TTC7A: variants seen among roughly 807,000 people sequenced by gnomAD.
The protein encoded by TTC7A is tetratricopeptide repeat protein 7A.
A neutral mutation model predicts 103.7 loss-of-function variants in TTC7A; 110 were observed. The observed-to-expected ratio is 1.06, with a 90% CI of 0.91 to 1.24. The LOEUF (loss-of-function observed/expected upper bound fraction) is 1.24, where lower values mean the gene tolerates loss of function less well. Among genes scored for constraint, TTC7A ranks in the 50% most tolerant of loss-of-function variants. TTC7A has a pLI of 0.00. For synonymous variants in TTC7A, 521 were observed against 467.9 expected (o/e 1.11, Z -1.47); for missense variants, 1,340 against 1,116.3 (o/e 1.20, Z -2.86).
intron 2 of TTC7A, among the ~76,000 whole-genome samples, chr2:46,927,655 C>T (rs116316838): frequency 2.0e-3 from 306 of 150,926 alleles, no homozygotes; most frequent in African/African-American, 6.6e-3. Context: ...CTACCGCGCC[C>T]GGCAAAAAAA....
chr2:47,073,319 C>T (rs983762702), intron 19 of TTC7A, among the ~76,000 whole-genome samples: 14 of 152,134 alleles, frequency 9.2e-5, no homozygotes, highest in African/African-American at 1.7e-4. Flanking sequence ...TCAACCTCAC[C>T]GCGCTCTCGA....
rs747986837 is a variant in TTC7A at position 47,051,718 on chromosome 2, G to C, written c.2018-28G>C. 6.9e-6 allele frequency: 11 copies of C among 1,598,262 alleles called. No individual in the cohort carries two copies. The African/African-American group carries it at 1.3e-4, about 19-fold the overall frequency. On this transcript the variant is annotated intron_variant, in intron 17 of 19. Coordinates refer to ENST00000319190, the MANE Select transcript of TTC7A (RefSeq NM_020458.4). ...TGCAACGTGTGGACCTCTGACCACT[G>C]CTCGGCTCGTGCCCTCTTGCTCTGC...
intron 2 of TTC7A, among the ~76,000 whole-genome samples, chr2:46,932,394 G>A (rs1436905834): frequency 2.0e-5 from 3 of 151,976 alleles, no homozygotes; most frequent in Admixed American, 6.6e-5. Context: ...TATGATCCTC[G>A]CACCTTGGCC....
intron 3 of TTC7A, 190 bp from the exon 4 acceptor site, chr2:46,974,783 C>T (rs116661870): frequency 0.025 from 17,989 of 726,414 alleles, 293 homozygotes; most frequent in Non-Finnish European, 0.031. Context: ...GCTGTCCCAT[C>T]GCTTACTCCC....
At chr2:47,039,869 G>A (rs74590923) in intron 15 of TTC7A, among the ~76,000 whole-genome samples, 1,599 of 152,290 alleles carry the variant, frequency 0.01, 13 homozygotes, top group Middle Eastern at 0.017. Context: ...TTCTAACGGG[G>A]AACAGAGACA....
chr2:47,009,756 A>G (rs770689126), intron 10 of TTC7A, among the ~76,000 whole-genome samples: 37 of 152,088 alleles, frequency 2.4e-4, no homozygotes, highest in Non-Finnish European at 2.5e-4. Context: ...GGCCCAGTAC[A>G]TGGGAATTGT....
rs1679511438 is a variant in TTC7A, at chr2:47,023,420, CCAAG to C, written c.1528_1531del (p.Gln510MetfsTer49). The C allele has an allele frequency of 1.2e-6, 2 of 1,613,914 alleles. No homozygotes were observed. Among genetic ancestry groups the C allele is most frequent in the Non-Finnish European group, 1.7e-6 (2 of 1,180,004 alleles). On this transcript the variant is annotated frameshift_variant, in exon 13 of 20. Transcript: ENST00000319190. LOFTEE classifies it high-confidence loss of function. ...CTGTCCCCTGCAGCCACCCTGAAGT[CCAAG>C]CAAGATGAATTGCACCGGAAGGCAC... is the stretch of plus-strand genomic sequence containing the variant.
At chr2:47,030,350 C>T (rs1680399769) in intron 15 of TTC7A, among the ~76,000 whole-genome samples, 1 of 151,930 alleles carries the variant, frequency 6.6e-6, no homozygotes, top group East Asian at 1.9e-4. Flanking sequence ...GTTCCCATCA[C>T]TGGGCTTTCA....
intron 14 of TTC7A, among the ~76,000 whole-genome samples, chr2:47,026,786 T>C (rs565553662): frequency 1.1e-4 from 16 of 152,338 alleles, no homozygotes; most frequent in Non-Finnish European, 2.1e-4. Context: ...TCATGGACAC[T>C]GAAATAGGTT....
At chr2:46,939,990 G>A (rs1056142889), upstream of TTC7A, among the ~76,000 whole-genome samples, 1 of 152,136 alleles carries the variant, frequency 6.6e-6, no homozygotes, top group East Asian at 1.9e-4. Context: ...AGGAAATCCT[G>A]CCCACCAAAC....
intron 2 of TTC7A, among the ~76,000 whole-genome samples, chr2:46,930,607 C>T (rs1328921478): frequency 6.6e-6 from 1 of 151,162 alleles, no homozygotes; most frequent in Non-Finnish European, 1.5e-5. Context: ...TCAAGCGATT[C>T]TCCTGCCTCA....
chr2:46,945,675 G>A (rs1670873577), intron 1 of TTC7A, among the ~76,000 whole-genome samples: 1 of 152,200 alleles, frequency 6.6e-6, no homozygotes, highest in African/African-American at 2.4e-5. Flanking sequence ...ATAGGTGTGA[G>A]CCACCGTGCC....
intron 11 of TTC7A, among the ~76,000 whole-genome samples, chr2:47,020,580 A>T (rs10179011): frequency 6.6e-6 from 1 of 152,194 alleles, no homozygotes; most frequent in African/African-American, 2.4e-5. Context: ...GCTCGCCCAC[A>T]AGGTGGCTGT....
chr2:46,974,787 T>C (rs940765636), intron 3 of TTC7A, 186 bp from the exon 4 acceptor site: 2 of 757,094 alleles, frequency 2.6e-6, no homozygotes, highest in Non-Finnish European at 4.3e-6. Context: ...TCCCATCGCT[T>C]ACTCCCAGCC....
chr2:47,011,394 C>T lies in TTC7A; in HGVS notation c.1351C>T (p.Pro451Ser), dbSNP rs751361481. 4 of 1,611,172 alleles carry T rather than the reference C, an allele frequency of 2.5e-6. No individual in the cohort carries two copies. The highest frequency in any genetic ancestry group is 2.2e-5 in the South Asian group (2 of 91,024). The change falls in exon 11 of 20, where the codon CCC (proline) becomes TCC (serine). Residue 451 changes from proline to serine, a missense_variant. Pro to Ser is a moderately conservative substitution (Grantham distance 74). Transcript: ENST00000319190. The stretch of plus-strand genomic sequence containing the variant: ...GTTGCGGCCCTCGGACCCCACCGTG[C>T]CCCTGATGGCCGCGAAGGTCTGCAT... ...VKLRPSDPTV[P>S]LMAAKVCIGS...
At chr2:46,945,360 C>A (rs1442626543) in intron 1 of TTC7A, among the ~76,000 whole-genome samples, 1 of 152,136 alleles carries the variant, frequency 6.6e-6, no homozygotes, top group African/African-American at 2.4e-5. Flanking sequence ...TCAAGCGATT[C>A]TTCTGCCTCA....
At chr2:46,922,236 G>A (rs1328204385) in intron 2 of TTC7A, among the ~76,000 whole-genome samples, 1 of 152,124 alleles carries the variant, frequency 6.6e-6, no homozygotes, top group Non-Finnish European at 1.5e-5. Flanking sequence ...TGTTGCATTA[G>A]GCCTATACCA....
chr2:46,997,240 A>G lies in TTC7A; in HGVS notation c.1065+2041A>G, dbSNP rs150505747. ...GTGATCCACCTGCCTCAGCCTCCCA[A>G]AGTGCTGGGATTACAGGCATGAGCC... On this transcript the variant is annotated intron_variant, in intron 8 of 19. Coordinates refer to ENST00000319190, the MANE Select transcript of TTC7A (RefSeq NM_020458.4). Among the ~76,000 whole-genome samples, 125 of 152,042 alleles carry G rather than the reference A, an allele frequency of 8.2e-4. 3 individuals are homozygous for G. The East Asian group carries it at 0.022, about 26-fold the overall frequency.
intron 5 of TTC7A, among the ~76,000 whole-genome samples, chr2:46,986,535 G>A (rs1675030774): frequency 6.6e-6 from 1 of 152,142 alleles, no homozygotes; most frequent in African/African-American, 2.4e-5. Flanking sequence ...CAGAGAGGTG[G>A]GGGTGCTGCC....
Sources: gnomAD v4.1 joint callset for allele counts (sites outside exome capture counted in the v4.1 genomes callset) on GRCh38, gnomAD v4.1.1 for gene constraint, MANE v1.5 for transcripts, NCBI Gene and HGNC (gene_info 2026-07-23, HGNC 2026-07-21) for gene names.